Variants in ANKRD9 observed in about 807,000 individuals in gnomAD.
ANKRD9 encodes the protein ankyrin repeat domain 9, also known as ankyrin repeat domain-containing protein 9.
ANKRD9 carries 13 observed loss-of-function variants against 19.2 expected under a neutral mutation model. That is an observed-to-expected ratio of 0.68 (90% CI 0.44 to 1.08). The LOEUF is 1.08. ANKRD9 is among the 50% of genes least tolerant of loss of function. The pLI is 0.00. For missense variants in ANKRD9, 518 were observed against 499.9 expected (o/e 1.04, Z -0.34); for synonymous variants, 278 against 256.8 (o/e 1.08, Z -0.79).
In ANKRD9 at chr14:102,504,743, C is replaced by T. The variant is rs1458782454; in HGVS notation, c.*2193G>A. Reference sequence around the variant, plus strand: ...AGAGCCACTGGCCAGCTTCCTCTGACTTCCCTGTCCCCTCACCCAAATCGA... The same window carrying T: ...AGAGCCACTGGCCAGCTTCCTCTGATTTCCCTGTCCCCTCACCCAAATCGA... On this transcript the variant is annotated 3_prime_UTR_variant, in exon 4 of 4. Coordinates refer to ENST00000286918, the MANE Select transcript of ANKRD9 (RefSeq NM_152326.4). The T allele has an allele frequency of 6.6e-6, 1 of 152,492 alleles. No individual in the cohort carries two copies. Among genetic ancestry groups the T allele is most frequent in the Non-Finnish European group, 1.5e-5 (1 of 68,246 alleles). The allele number at this position is 152,492 out of a possible 1,614,324, so 9.4% of individuals were successfully genotyped here.
rs1002929957 is a variant in ANKRD9, at chr14:102,501,914, T to C, written c.*5022A>G. On this transcript the variant is annotated 3_prime_UTR_variant, in exon 4 of 4. Transcript: ENST00000286918. ...ATGGGAGCAGCTTGGGAGCCCCCCA[T>C]TGGCGCCGCCCTACTGGGGAAGCCG... The C allele has an allele frequency of 6.6e-6, 1 of 152,210 alleles. No homozygotes were observed. The highest frequency in any genetic ancestry group is 2.4e-5 in the African/African-American group (1 of 41,450). 9.4% of individuals were successfully genotyped at this position (152,210 alleles called of 1,614,324 possible).
In ANKRD9 at chr14:102,507,343, C is replaced by A; in HGVS notation, c.547G>T (p.Ala183Ser). Residue 183 changes from alanine to serine, a missense_variant, in exon 4 of 4, where the codon GCC (alanine) becomes TCC (serine). Ala to Ser is a moderately conservative substitution (Grantham distance 99). Transcript: ENST00000286918. The surrounding 1 kb of genome is among the most constrained non-coding windows in gnomAD (Gnocchi z 9.2). ...ECLFLLLGHG[A>S]SPGLRDGGGL... ...CCGCCGTCCCGCAGACCGGGCGAGG[C>A]GCCGTGGCCCAGCAGCAGGAAGAGG... The A allele has an allele frequency of 7.6e-7, 1 of 1,316,368 alleles. No homozygotes were observed. Among genetic ancestry groups the A allele is most frequent in the South Asian group, 1.5e-5 (1 of 64,982 alleles). 81.5% of individuals were successfully genotyped at this position (1,316,368 alleles called of 1,614,324 possible). A position where few individuals can be genotyped will look rare whatever the true frequency, so the allele number is the denominator to read the frequency against.
chr14:102,507,759 A>G lies in ANKRD9; in HGVS notation c.131T>C (p.Leu44Pro), dbSNP rs1196651158. ...ATCCTCCAGCAGCCACACGGGTAGC[A>G]GGTCGCGCACCGCCTGGTAGAAGGC... is the stretch of plus-strand genomic sequence containing the variant. ...SFAFYQAVRD[L>P]LPVWLLEDMR... is the part of the protein sequence containing the mutation. Residue 44 changes from leucine to proline, a missense_variant, in exon 4 of 4, where the codon CTG becomes CCG. Leu to Pro is a moderately conservative substitution (Grantham distance 98, BLOSUM62 -3). Coordinates refer to ENST00000286918, the MANE Select transcript of ANKRD9 (RefSeq NM_152326.4). This position sits in a 1 kb window ranked among gnomAD's most constrained non-coding sequence, Gnocchi z 9.2. 2.1e-6 allele frequency: 3 copies of G among 1,399,270 alleles called. No individual in the cohort carries two copies. The South Asian group carries it at 3.7e-5, about 17-fold the overall frequency. The allele number at this position is 1,399,270 out of a possible 1,614,324, so 86.7% of individuals were successfully genotyped here.
rs1277421259 is a variant in ANKRD9, at chr14:102,505,745, C to G, written c.*1191G>C. 1 of 152,286 alleles carries G rather than the reference C, an allele frequency of 6.6e-6. No individual in the cohort carries two copies. The highest frequency in any genetic ancestry group is 2.4e-5 in the African/African-American group (1 of 41,448). 9.4% of individuals were successfully genotyped at this position (152,286 alleles called of 1,614,324 possible). A position where few individuals can be genotyped will look rare whatever the true frequency, so the allele number is the denominator to read the frequency against. ...CCCCCACCTCTCTTGTGTGGCCCAG[C>G]ACCCTGGACTCCTCCATGCCCAGGT... On this transcript the variant is annotated 3_prime_UTR_variant, in exon 4 of 4. Transcript: ENST00000286918.
Position 102,506,823 on chromosome 14 carries a change from G to C in ANKRD9, c.*113C>G, listed in dbSNP as rs1242518320. 2 of 1,257,112 alleles carry C rather than the reference G, an allele frequency of 1.6e-6. No individual in the cohort carries two copies. Among genetic ancestry groups the C allele is most frequent in the African/African-American group, 1.6e-5 (1 of 64,496 alleles). 77.9% of individuals were successfully genotyped at this position (1,257,112 alleles called of 1,614,324 possible). ...CATCCAAGCCCAGCCCCCAGTGCAT[G>C]CGACAGATGAGGCAGAGATTGTGCC... On this transcript the variant is annotated 3_prime_UTR_variant, in exon 4 of 4. Coordinates refer to ENST00000286918, the MANE Select transcript of ANKRD9 (RefSeq NM_152326.4).
chr14:102,509,056 G>C (rs1194295880), intron 1 of ANKRD9: 1 of 152,374 alleles, frequency 6.6e-6, no homozygotes, highest in African/African-American at 2.4e-5. Context: ...GCCTGGGACA[G>C]AAGGCAGGCC....
In ANKRD9 at chr14:102,507,915, T is replaced by C; in HGVS notation, c.-26A>G. ...GCTGGCGGCGGGGCGTTCCTGGGCC[T>C]CAAGGCATGGATCCCGCGAAGGCAC... On this transcript the variant is annotated 5_prime_UTR_variant, in exon 4 of 4. It removes the in-frame stop codon of an upstream open reading frame in the 5' UTR. Coordinates refer to ENST00000286918, the MANE Select transcript of ANKRD9 (RefSeq NM_152326.4). The surrounding 1 kb of genome is among the most constrained non-coding windows in gnomAD (Gnocchi z 9.2). 1 of 1,104,296 alleles carries C rather than the reference T, an allele frequency of 9.1e-7. No individual in the cohort carries two copies. The highest frequency in any genetic ancestry group is 1.1e-6 in the Non-Finnish European group (1 of 896,494). The allele number at this position is 1,104,296 out of a possible 1,614,324, so 68.4% of individuals were successfully genotyped here. A position where few individuals can be genotyped will look rare whatever the true frequency, so the allele number is the denominator to read the frequency against.
chr14:102,507,950 GA>G lies in ANKRD9; in HGVS notation c.-53-9del. The G allele has an allele frequency of 9.1e-7, 1 of 1,093,532 alleles. No homozygotes were observed. The highest frequency in any genetic ancestry group is 1.1e-6 in the Non-Finnish European group (1 of 889,920). The allele number at this position is 1,093,532 out of a possible 1,614,324, so 67.7% of individuals were successfully genotyped here. A position where few individuals can be genotyped will look rare whatever the true frequency, so the allele number is the denominator to read the frequency against. On this transcript the variant is annotated splice_polypyrimidine_tract_variant and intron_variant, in intron 3 of 3. Transcript: ENST00000286918. This position sits in a 1 kb window ranked among gnomAD's most constrained non-coding sequence, Gnocchi z 9.2. ...GATCCCGCGAAGGCACACCTGCGGG[GA>G]AAGGAAGAGGCCACGGTGAGGCGCG...
Position 102,507,068 on chromosome 14 carries a change from C to T in ANKRD9, c.822G>A (p.Ala274=), listed in dbSNP as rs2139813801. Residue 274 remains alanine (A), a synonymous_variant, in exon 4 of 4, where the codon GCG becomes GCA. Coordinates refer to ENST00000286918, the MANE Select transcript of ANKRD9 (RefSeq NM_152326.4). This position sits in a 1 kb window ranked among gnomAD's most constrained non-coding sequence, Gnocchi z 9.2. ...TGGCGCGCGCGAAGAGCGAGGGCGG[C>T]GCCAGGCCCGCCAGCCACTGGAACT... The part of the protein sequence containing the change: ...EDKFQWLAGL[A]PPSLFARAMQ... The T allele has an allele frequency of 1.3e-6, 2 of 1,539,494 alleles. No individual in the cohort carries two copies. Among genetic ancestry groups the T allele is most frequent in the Non-Finnish European group, 8.7e-7 (1 of 1,152,394 alleles).
rs769877554 is a variant in ANKRD9 at position 102,507,540 on chromosome 14, A to C, written c.350T>G (p.Val117Gly). The change falls in exon 4 of 4, where the codon GTG (valine) becomes GGG (glycine). Residue 117 changes from valine to glycine, a missense_variant. Val to Gly is a moderately radical substitution (Grantham distance 109). Transcript: ENST00000286918. The surrounding 1 kb of genome is among the most constrained non-coding windows in gnomAD (Gnocchi z 9.2). The stretch of plus-strand genomic sequence containing the variant: ...GCGGTTGTAGCGCACTGCCAGCGCC[A>C]CGTGCGGCCCGGGAGCCGCGCAGCA... ...FRCCAAPGPH[V>G]ALAVRYNRVG... The C allele has an allele frequency of 7.5e-7, 1 of 1,339,238 alleles. No individual in the cohort carries two copies. Among genetic ancestry groups the C allele is most frequent in the East Asian group, 3.4e-5 (1 of 29,510 alleles). The allele number at this position is 1,339,238 out of a possible 1,614,324, so 83.0% of individuals were successfully genotyped here.
Position 102,505,281 on chromosome 14 carries a change from C to A in ANKRD9, c.*1655G>T, listed in dbSNP as rs539839491. On this transcript the variant is annotated 3_prime_UTR_variant, in exon 4 of 4. Coordinates refer to ENST00000286918, the MANE Select transcript of ANKRD9 (RefSeq NM_152326.4). ...CTCCAAAGGAGAGGCACCTCCCCCC[C>A]CCATGGCATCTCCAATCTGAGGACC... The A allele has an allele frequency of 7.2e-4, 110 of 152,256 alleles. No individual in the cohort carries two copies. The highest frequency in any genetic ancestry group is 1.5e-3 in the Admixed American group (23 of 15,288). The allele number at this position is 152,256 out of a possible 1,614,324, so 9.4% of individuals were successfully genotyped here. A position where few individuals can be genotyped will look rare whatever the true frequency, so the allele number is the denominator to read the frequency against.
intron 1 of ANKRD9, 166 bp downstream of exon 1, chr14:102,509,363 C>T (rs1891717890): frequency 3.3e-5 from 5 of 152,132 alleles, no homozygotes; most frequent in African/African-American, 9.6e-5. Context: ...TCCTACCCGT[C>T]CCCTCCCGGC....
chr14:102,507,038 C>G lies in ANKRD9; in HGVS notation c.852G>C (p.Gln284His). The stretch of plus-strand genomic sequence containing the variant: ...CTGGAGAGATGGCGGTGACCAGCAC[C>G]TGCATGGCGCGCGCGAAGAGCGAGG... ...APPSLFARAM[Q>H]VLVTAISPGR... The change falls in exon 4 of 4, where the codon CAG (glutamine) becomes CAC (histidine). Residue 284 changes from glutamine (Q) to histidine (H), a missense_variant. By Grantham distance (24) the Gln-to-His change is conservative (BLOSUM62 0). Coordinates refer to ENST00000286918, the MANE Select transcript of ANKRD9 (RefSeq NM_152326.4). This position sits in a 1 kb window ranked among gnomAD's most constrained non-coding sequence, Gnocchi z 9.2. 1 of 1,580,804 alleles carries G rather than the reference C, an allele frequency of 6.3e-7. No homozygotes were observed. Among genetic ancestry groups the G allele is most frequent in the South Asian group, 1.1e-5 (1 of 87,814 alleles).
In ANKRD9 at chr14:102,504,440, C is replaced by G. The variant is rs1891529038; in HGVS notation, c.*2496G>C. On this transcript the variant is annotated 3_prime_UTR_variant, in exon 4 of 4. Transcript: ENST00000286918. ...CTGGCTGACTCCGGCCCTCCCAGTC[C>G]TGCAAGCTCATGGCCAGGACGATAA... 6.5e-6 allele frequency: 1 copy of G among 154,308 alleles called. No homozygotes were observed. Among genetic ancestry groups the G allele is most frequent in the Non-Finnish European group, 1.5e-5 (1 of 68,122 alleles). 9.6% of individuals were successfully genotyped at this position (154,308 alleles called of 1,614,324 possible). A position where few individuals can be genotyped will look rare whatever the true frequency, so the allele number is the denominator to read the frequency against.
rs1384917235 is a variant in ANKRD9, at chr14:102,502,321, A to G, written c.*4615T>C. 1 of 152,630 alleles carries G rather than the reference A, an allele frequency of 6.6e-6. No homozygotes were observed. Among genetic ancestry groups the G allele is most frequent in the Non-Finnish European group, 1.5e-5 (1 of 68,036 alleles). The allele number at this position is 152,630 out of a possible 1,614,324, so 9.5% of individuals were successfully genotyped here. On this transcript the variant is annotated 3_prime_UTR_variant, in exon 4 of 4. Coordinates refer to ENST00000286918, the MANE Select transcript of ANKRD9 (RefSeq NM_152326.4). ...TTTGAAATTTTTCATAACTCCGGGG[A>G]GGAGCAAGAGGGGTGAAAAGAAACA...
At position 102,506,832 on chromosome 14, in the gene ANKRD9, G is replaced by A. The variant is rs1021156140; in HGVS notation, c.*104C>T. ...CCAGCCCCCAGTGCATGCGACAGAT[G>A]AGGCAGAGATTGTGCCGTACAGAGA... On this transcript the variant is annotated 3_prime_UTR_variant, in exon 4 of 4. Coordinates refer to ENST00000286918, the MANE Select transcript of ANKRD9 (RefSeq NM_152326.4). 1.6e-6 allele frequency: 2 copies of A among 1,266,946 alleles called. No individual in the cohort carries two copies. The highest frequency in any genetic ancestry group is 2.0e-6 in the Non-Finnish European group (2 of 1,002,598). The allele number at this position is 1,266,946 out of a possible 1,614,324, so 78.5% of individuals were successfully genotyped here.
In ANKRD9 at chr14:102,502,852, T is replaced by G. The variant is rs1891479455; in HGVS notation, c.*4084A>C. On this transcript the variant is annotated 3_prime_UTR_variant, in exon 4 of 4. Transcript: ENST00000286918. ...GCGCTTGAGACAGTGTTTCCCTGCA[T>G]CGTGGCCGGACCTCTCTACTCAATC... 1 of 152,172 alleles carries G rather than the reference T, an allele frequency of 6.6e-6. No individual in the cohort carries two copies. The highest frequency in any genetic ancestry group is 2.4e-5 in the African/African-American group (1 of 41,418). 9.4% of individuals were successfully genotyped at this position (152,172 alleles called of 1,614,324 possible).
Position 102,507,310 on chromosome 14 carries a change from T to G in ANKRD9, c.580A>C (p.Thr194Pro). 2 of 1,264,664 alleles carry G rather than the reference T, an allele frequency of 1.6e-6. No individual in the cohort carries two copies. The highest frequency in any genetic ancestry group is 2.0e-6 in the Non-Finnish European group (2 of 1,000,994). 78.3% of individuals were successfully genotyped at this position (1,264,664 alleles called of 1,614,324 possible). ...SPGLRDGGGL[T>P]PLELLLRQLG... ...TGGCGCAGCAGCAGCTCGAGAGGCGTGAGGCCGCCGCCGTCCCGCAGACCG... is the reference window on the plus strand; with the variant it reads ...TGGCGCAGCAGCAGCTCGAGAGGCGGGAGGCCGCCGCCGTCCCGCAGACCG... Residue 194 changes from threonine to proline, a missense_variant, in exon 4 of 4, where the codon ACG becomes CCG. Thr to Pro is a conservative substitution (Grantham distance 38). Coordinates refer to ENST00000286918, the MANE Select transcript of ANKRD9 (RefSeq NM_152326.4). This position sits in a 1 kb window ranked among gnomAD's most constrained non-coding sequence, Gnocchi z 9.2.
Position 102,507,926 on chromosome 14 carries a change from A to T in ANKRD9, c.-37T>A, listed in dbSNP as rs1891668892. On this transcript the variant is annotated 5_prime_UTR_variant, in exon 4 of 4. Coordinates refer to ENST00000286918, the MANE Select transcript of ANKRD9 (RefSeq NM_152326.4). This position sits in a 1 kb window ranked among gnomAD's most constrained non-coding sequence, Gnocchi z 9.2. ...GGCGTTCCTGGGCCTCAAGGCATGG[A>T]TCCCGCGAAGGCACACCTGCGGGGA... The T allele has an allele frequency of 1.8e-5, 20 of 1,100,216 alleles. No homozygotes were observed. The highest frequency in any genetic ancestry group is 1.9e-5 in the Non-Finnish European group (17 of 893,920). The allele number at this position is 1,100,216 out of a possible 1,614,324, so 68.2% of individuals were successfully genotyped here. A position where few individuals can be genotyped will look rare whatever the true frequency, so the allele number is the denominator to read the frequency against.
Sources: allele counts gnomAD v4.1 joint callset, GRCh38; gene constraint gnomAD v4.1.1; non-coding constraint Gnocchi (gnomAD v3.1); transcripts MANE v1.5; gene names NCBI Gene and HGNC (gene_info 2026-07-23, HGNC 2026-07-21).